The following GSE1 variants were observed in gnomAD, a reference collection of about 807,000 sequenced individuals.
GSE1 encodes genetic suppressor element 1.
GSE1 carries 32 observed loss-of-function variants against 112.6 expected under a neutral mutation model. The ratio of observed to expected loss-of-function variants is 0.28; its 90% CI spans 0.21 to 0.38. GSE1 has a LOEUF of 0.38. Ranked by LOEUF, GSE1 falls within the 10% of genes least tolerant of loss-of-function variation. The probability of loss-of-function intolerance (pLI) is 1.00; values close to 1 mark genes in which losing one functional copy is unlikely to be tolerated. For missense variants in GSE1, 2,348 were observed against 1,699.2 expected (o/e 1.38, Z -6.71); for synonymous variants, 1,115 against 735.6 (o/e 1.52, Z -8.35).
At chr16:85,217,512 C>A (rs992826931) in intron 1 of GSE1, among the ~76,000 whole-genome samples, 1 of 152,182 alleles carries the variant, frequency 6.6e-6, no homozygotes, top group Non-Finnish European at 1.5e-5. Flanking sequence ...CCAGGGGGAT[C>A]CCAGGCTCAG....
At chr16:85,479,328 G>A (rs1008310404) in intron 2 of GSE1, among the ~76,000 whole-genome samples, 2 of 150,850 alleles carry the variant, frequency 1.3e-5, no homozygotes, top group South Asian at 2.1e-4. Context: ...CACTGTGTCC[G>A]GCCTTAGTTT....
chr16:85,271,009 G>A (rs555597819), intron 1 of GSE1, among the ~76,000 whole-genome samples: 1 of 152,190 alleles, frequency 6.6e-6, no homozygotes, highest in Admixed American at 6.5e-5. Flanking sequence ...CTGAGGCAGA[G>A]CGAATGCCAT....
At chr16:85,392,772 T>C (rs7192984) in intron 2 of GSE1, among the ~76,000 whole-genome samples, 1 of 152,060 alleles carries the variant, frequency 6.6e-6, no homozygotes. Flanking sequence ...AACCCAGAAG[T>C]CCAGCCTCCT....
In GSE1 at chr16:85,666,043, C is replaced by T. The variant is rs769501812; in HGVS notation, c.2826C>T (p.Asp942=). The T allele has an allele frequency of 1.2e-6, 2 of 1,613,548 alleles. No homozygotes were observed. Among genetic ancestry groups the T allele is most frequent in the South Asian group, 1.1e-5 (1 of 91,090 alleles). The change falls in exon 13 of 16, where the codon GAC becomes GAT. Residue 942 remains aspartate (D), a synonymous_variant. Coordinates refer to ENST00000253458, the MANE Select transcript of GSE1 (RefSeq NM_014615.5). ...TTGGTGTTGCTGCTTCCTTGTCTGA[C>T]ATCCCAAAGGCCGCGGAGCCTGGGA... ...KPVGVAASLS[D]IPKAAEPGKL...
At chr16:85,430,968 C>T (rs563988070) in intron 2 of GSE1, among the ~76,000 whole-genome samples, 120 of 152,302 alleles carry the variant, frequency 7.9e-4, no homozygotes, top group South Asian at 1.4e-3. Context: ...CTTTGAGAGC[C>T]GCTGATACAG....
At chr16:85,607,366 C>G (rs1366957479), upstream of GSE1, among the ~76,000 whole-genome samples, 1 of 152,238 alleles carries the variant, frequency 6.6e-6, no homozygotes, top group South Asian at 2.1e-4. Context: ...CCCTCTCCCG[C>G]CCGCTTTCCA....
At chr16:85,234,913 TTATC>T (rs1267389671) in intron 1 of GSE1, among the ~76,000 whole-genome samples, 6 of 152,064 alleles carry the variant, frequency 3.9e-5, no homozygotes, top group Admixed American at 3.9e-4. Context: ...GCCGGCGCCT[TTATC>T]TACTGCGGAG....
chr16:85,253,168 CA>C (rs1274841630), intron 1 of GSE1, among the ~76,000 whole-genome samples: 30 of 151,306 alleles, frequency 2.0e-4, no homozygotes, highest in Admixed American at 5.9e-4. Context: ...ATGAGCTGCC[CA>C]CGGGAGGAGG....
intron 13 of GSE1, 41 bp downstream of exon 13, chr16:85,666,388 T>G: frequency 6.2e-7 from 1 of 1,609,856 alleles, no homozygotes; most frequent in Non-Finnish European, 8.5e-7. Flanking sequence ...TCGGCTGTGG[T>G]TGAGGCTGAC....
chr16:85,561,322 C>T (rs1400983581), intron 1 of GSE1, among the ~76,000 whole-genome samples: 1 of 152,122 alleles, frequency 6.6e-6, no homozygotes, highest in Non-Finnish European at 1.5e-5. Flanking sequence ...AGCAGGGCGC[C>T]GATCCTGGGC....
At chr16:85,653,741 A>G (rs1014661842) in intron 3 of GSE1, among the ~76,000 whole-genome samples, 1 of 152,088 alleles carries the variant, frequency 6.6e-6, no homozygotes, top group African/African-American at 2.4e-5. Flanking sequence ...CCTTCGGCCC[A>G]GGGGCAGTGC....
At chr16:85,513,072 G>A (rs1056639524) in intron 2 of GSE1, among the ~76,000 whole-genome samples, 2 of 152,140 alleles carry the variant, frequency 1.3e-5, no homozygotes, top group African/African-American at 4.8e-5. Context: ...TTTGAGCCCT[G>A]TGGGCGTCTC....
At chr16:85,590,992 C>T (rs755317353) in intron 1 of GSE1, among the ~76,000 whole-genome samples, 35 of 152,196 alleles carry the variant, frequency 2.3e-4, no homozygotes, top group Non-Finnish European at 3.8e-4. Flanking sequence ...AGCTGTGTGC[C>T]CTCCTGGGGA....
chr16:85,552,611 C>T (rs151057394), upstream of GSE1, among the ~76,000 whole-genome samples: 1,034 of 152,316 alleles, frequency 6.8e-3, 10 homozygotes, highest in African/African-American at 0.023. Flanking sequence ...GGATTACAGG[C>T]GTGAGCCACC....
chr16:85,336,421 C>T (rs970566735), intron 1 of GSE1, among the ~76,000 whole-genome samples: 1 of 152,190 alleles, frequency 6.6e-6, no homozygotes, highest in Non-Finnish European at 1.5e-5. Context: ...GCCGACCAGT[C>T]GGTGGCGTTC....
intron 2 of GSE1, among the ~76,000 whole-genome samples, chr16:85,469,692 G>C (rs752219420): frequency 1.3e-5 from 2 of 152,192 alleles, no homozygotes; most frequent in Admixed American, 6.5e-5. Context: ...GCTCCCTGAG[G>C]CTGGAAAGTC....
At chr16:85,411,178 C>T (rs68156631) in intron 2 of GSE1, among the ~76,000 whole-genome samples, 6 of 66,790 alleles carry the variant, frequency 9.0e-5, no homozygotes, top group East Asian at 5.6e-4. Flanking sequence ...TACACTCAGG[C>T]CCCCCGGATA....
intron 2 of GSE1, among the ~76,000 whole-genome samples, chr16:85,638,361 ACACCCTTCCC>A (rs879284316): frequency 2.0e-5 from 3 of 152,064 alleles, no homozygotes; most frequent in Non-Finnish European, 4.4e-5. Context: ...CGCGGGCCAG[ACACCCTTCCC>A]CAGGGCCAGC....
intron 1 of GSE1, among the ~76,000 whole-genome samples, chr16:85,630,619 A>T (rs1444643336): frequency 6.6e-6 from 1 of 152,216 alleles, no homozygotes; most frequent in Non-Finnish European, 1.5e-5. Context: ...CCCAGGATGA[A>T]TGTTTTTAAC....
Sources: gnomAD v4.1 joint callset for allele counts (sites outside exome capture counted in the v4.1 genomes callset) on GRCh38, gnomAD v4.1.1 for gene constraint, MANE v1.5 for transcripts, NCBI Gene and HGNC (gene_info 2026-07-23, HGNC 2026-07-21) for gene names.